Variants in SPG21 observed in about 807,000 individuals in gnomAD.
SPG21 encodes SPG21 abhydrolase domain containing, maspardin, also known as maspardin.
In SPG21, 26 loss-of-function variants were observed where a neutral mutation model predicts 38.9. The observed-to-expected ratio is 0.67, with a 90% CI of 0.49 to 0.93. The LOEUF (loss-of-function observed/expected upper bound fraction) is 0.93, where lower values mean the gene tolerates loss of function less well. Ranked by LOEUF, SPG21 falls within the 40% of genes least tolerant of loss-of-function variation. SPG21 has a pLI of 0.00. For missense variants in SPG21, 333 were observed against 376.5 expected, an observed-to-expected ratio of 0.88 and a Z score of 0.96; for synonymous variants, 136 against 128.9, an observed-to-expected ratio of 1.05 and a Z score of -0.37.
At chr15:64,980,469 T>C (rs1862584694) in intron 3 of SPG21, among the ~76,000 whole-genome samples, 1 of 152,156 alleles carries the variant, frequency 6.6e-6, no homozygotes, top group African/African-American at 2.4e-5. Flanking sequence ...CTGGGCGCAG[T>C]GGCTCGTGGC....
chr15:64,964,064 TG>T (rs763885717), intron 8 of SPG21, among the ~76,000 whole-genome samples: 20 of 152,066 alleles, frequency 1.3e-4, no homozygotes, highest in Non-Finnish European at 2.5e-4. Context: ...CCAGAATCAT[TG>T]TTTTAAATGG....
Position 64,963,207 on chromosome 15 carries a change from T to C in SPG21, c.*413A>G, listed in dbSNP as rs2085482025. ...AAGCATAAAATAACCAATGTCCTGA[T>C]ATGCAATCTGGATGTGCAGCATTTA... is the stretch of plus-strand genomic sequence containing the variant. On this transcript the variant is annotated 3_prime_UTR_variant, in exon 9 of 9. Transcript: ENST00000204566. 5.5e-6 allele frequency: 1 copy of C among 180,544 alleles called. No individual in the cohort carries two copies. The highest frequency in any genetic ancestry group is 1.2e-5 in the Non-Finnish European group (1 of 85,222). The allele number at this position is 180,544 out of a possible 1,614,324, so 11.2% of individuals were successfully genotyped here.
chr15:64,966,110 A>C (rs1236869771), intron 7 of SPG21, among the ~76,000 whole-genome samples: 1 of 152,214 alleles, frequency 6.6e-6, no homozygotes, highest in Non-Finnish European at 1.5e-5. Flanking sequence ...TAAGTTTCAA[A>C]AAGATCACGA....
At position 64,983,585 on chromosome 15, in the gene SPG21, A is replaced by T. The variant is rs916130271; in HGVS notation, c.-16T>A. The T allele has an allele frequency of 2.1e-5, 33 of 1,551,566 alleles. No homozygotes were observed. Among genetic ancestry groups the T allele is most frequent in the Non-Finnish European group, 2.9e-5 (33 of 1,139,232 alleles). On this transcript the variant is annotated 5_prime_UTR_variant, in exon 2 of 9. Transcript: ENST00000204566. ...TCTCTCCCATGATTAGCTGAAATGG[A>T]GGTTAATCCTGAAATAAAAGCATGT... is the stretch of plus-strand genomic sequence containing the variant.
chr15:64,964,499 G>A (rs146213157), intron 8 of SPG21, among the ~76,000 whole-genome samples: 23 of 152,244 alleles, frequency 1.5e-4, no homozygotes, highest in Non-Finnish European at 3.2e-4. Context: ...GCCACCATGC[G>A]TGGCCAGGAT....
chr15:64,972,727 G>A (rs1050992483), intron 5 of SPG21, among the ~76,000 whole-genome samples: 8 of 152,210 alleles, frequency 5.3e-5, no homozygotes, highest in Admixed American at 3.9e-4. Flanking sequence ...AGCTATTCGG[G>A]AGGCTGAGGC....
intron 3 of SPG21, among the ~76,000 whole-genome samples, chr15:64,977,284 C>T (rs867252942): frequency 5.9e-5 from 9 of 152,192 alleles, no homozygotes; most frequent in Middle Eastern, 3.4e-3. Context: ...AGGCTAGTCT[C>T]GAACTCCTGA....
chr15:64,967,282 A>G (rs1050882764), intron 7 of SPG21, among the ~76,000 whole-genome samples: 7 of 151,968 alleles, frequency 4.6e-5, no homozygotes, highest in African/African-American at 1.7e-4. Context: ...TTAAAAATAA[A>G]TAAAAAAAAA....
rs574704338 is a variant in SPG21, at chr15:64,975,357, C to G, written c.307-610G>C. Among the ~76,000 whole-genome samples, 5 of 147,122 alleles carry G rather than the reference C, an allele frequency of 3.4e-5. No homozygotes were observed. In the South Asian group the frequency reaches 1.1e-3, roughly 32 times the overall value. On this transcript the variant is annotated intron_variant, in intron 4 of 8. Coordinates refer to ENST00000204566, the MANE Select transcript of SPG21 (RefSeq NM_016630.7). ...CAAGCTAGGGAAATATGGAAAAGGCCTGTATACTAAAAATACAAAAATTAG... is the reference window on the plus strand; with the variant it reads ...CAAGCTAGGGAAATATGGAAAAGGCGTGTATACTAAAAATACAAAAATTAG...
intron 1 of SPG21, chr15:64,987,164 T>G (rs563739597): frequency 3.2e-4 from 49 of 152,320 alleles, no homozygotes; most frequent in African/African-American, 1.2e-3. Flanking sequence ...TAGAAAGATG[T>G]TCCTTACCAA....
intron 5 of SPG21, 104 bp downstream of exon 5, chr15:64,974,498 A>G: frequency 3.6e-6 from 5 of 1,372,332 alleles, no homozygotes. Flanking sequence ...AGGAAGTTGC[A>G]GAATATAGAA....
chr15:64,982,559 G>A (rs2085905001), intron 2 of SPG21, among the ~76,000 whole-genome samples: 1 of 152,262 alleles, frequency 6.6e-6, no homozygotes, highest in African/African-American at 2.4e-5. Context: ...TTACAGGCAT[G>A]AGCCATCACA....
At chr15:64,964,738 C>G (rs2085510987) in intron 8 of SPG21, among the ~76,000 whole-genome samples, 1 of 152,064 alleles carries the variant, frequency 6.6e-6, no homozygotes, top group Non-Finnish European at 1.5e-5. Context: ...TCAAGTGATT[C>G]TTCTGCCTCA....
chr15:64,989,806 G>C lies in SPG21; in HGVS notation c.-166C>G, dbSNP rs933279436. On this transcript the variant is annotated 5_prime_UTR_variant, in exon 1 of 9. Coordinates refer to ENST00000204566, the MANE Select transcript of SPG21 (RefSeq NM_016630.7). ...GGGACCCACGGGCACAGCAGGCTGC[G>C]CGGTGCGTGCGGGAGGCCGGCCTCT... 1 of 151,712 alleles carries C rather than the reference G, an allele frequency of 6.6e-6. No homozygotes were observed. Among genetic ancestry groups the C allele is most frequent in the Non-Finnish European group, 1.5e-5 (1 of 68,104 alleles). 9.4% of individuals were successfully genotyped at this position (151,712 alleles called of 1,614,324 possible). A position where few individuals can be genotyped will look rare whatever the true frequency, so the allele number is the denominator to read the frequency against.
chr15:64,987,299 G>A (rs2086015893), intron 1 of SPG21: 1 of 152,190 alleles, frequency 6.6e-6, no homozygotes, highest in Non-Finnish European at 1.5e-5. Flanking sequence ...TAACACTTGT[G>A]CTAGTTTGGC....
rs1254409904 is a variant in SPG21 at position 64,989,817 on chromosome 15, G to C, written c.-177C>G. ...GCACAGCAGGCTGCGCGGTGCGTGC[G>C]GGAGGCCGGCCTCTGAGGGGGCGGG... On this transcript the variant is annotated 5_prime_UTR_variant, in exon 1 of 9. Coordinates refer to ENST00000204566, the MANE Select transcript of SPG21 (RefSeq NM_016630.7). 4 of 151,156 alleles carry C rather than the reference G, an allele frequency of 2.6e-5. No individual in the cohort carries two copies. The East Asian group carries it at 7.7e-4, about 29-fold the overall frequency. The allele number at this position is 151,156 out of a possible 1,614,324, so 9.4% of individuals were successfully genotyped here.
intron 8 of SPG21, among the ~76,000 whole-genome samples, chr15:64,964,138 T>C (rs930409421): frequency 5.3e-5 from 8 of 152,180 alleles, no homozygotes; most frequent in African/African-American, 1.9e-4. Context: ...AACATCACCA[T>C]AGTGGACAAA....
intron 8 of SPG21, among the ~76,000 whole-genome samples, chr15:64,964,134 A>C (rs2085500219): frequency 6.6e-6 from 1 of 152,176 alleles, no homozygotes; most frequent in Admixed American, 6.5e-5. Flanking sequence ...GGAAAACATC[A>C]CCATAGTGGA....
rs755521300 is a variant in SPG21 at position 64,976,450 on chromosome 15, A to G, written c.306+25T>C. The G allele has an allele frequency of 9.2e-6, 14 of 1,518,870 alleles. No homozygotes were observed. The African/African-American group carries it at 1.6e-4, about 18-fold the overall frequency. 94.1% of individuals were successfully genotyped at this position (1,518,870 alleles called of 1,614,324 possible). A position where few individuals can be genotyped will look rare whatever the true frequency, so the allele number is the denominator to read the frequency against. ...AAAAAATAAAAAAAAAATTGTATGT[A>G]TGTAATTAGTTTCAGGGTACTCACT... On this transcript the variant is annotated intron_variant, in intron 4 of 8. Coordinates refer to ENST00000204566, the MANE Select transcript of SPG21 (RefSeq NM_016630.7).
Sources: gnomAD v4.1 joint callset for allele counts (sites outside exome capture counted in the v4.1 genomes callset) on GRCh38, gnomAD v4.1.1 for gene constraint, MANE v1.5 for transcripts, NCBI Gene and HGNC (gene_info 2026-07-23, HGNC 2026-07-21) for gene names.